Variants in ANKFN1 observed in about 807,000 individuals in gnomAD.
ANKFN1 encodes ankyrin repeat and fibronectin type-III domain-containing protein 1.
ANKFN1 carries 74 observed loss-of-function variants against 108.7 expected under a neutral mutation model. The ratio of observed to expected loss-of-function variants is 0.68; its 90% CI spans 0.56 to 0.83. ANKFN1 has a LOEUF of 0.83. ANKFN1 is among the 40% of genes least tolerant of loss of function. The pLI is 0.00. For missense variants in ANKFN1, 1,505 were observed against 1,382.3 expected, an observed-to-expected ratio of 1.09 and a Z score of -1.41; for synonymous variants, 547 against 516.2, an observed-to-expected ratio of 1.06 and a Z score of -0.81.
intron 3 of ANKFN1, among the ~76,000 whole-genome samples, chr17:56,275,730 AAG>A (rs1330882640): frequency 1.3e-5 from 2 of 152,312 alleles, no homozygotes; most frequent in Admixed American, 6.5e-5. Flanking sequence ...GAATATTTCT[AAG>A]AAATGGACTT....
Position 56,108,941 on chromosome 17 carries a change from A to C in ANKFN1, c.288+62616A>C, listed in dbSNP as rs1204864865. Among the ~76,000 whole-genome samples, 5 of 152,226 alleles carry C rather than the reference A, an allele frequency of 3.3e-5. No homozygotes were observed. The East Asian group carries it at 9.6e-4, about 29-fold the overall frequency. ...TTCCAAGTGGCTCTTGGTTAAGGCC[A>C]TTCTCCCCTGAGGTCTGTGAACAGG... On this transcript the variant is annotated intron_variant, in intron 4 of 12. Coordinates refer to the ANKFN1 transcript ENST00000635860.
chr17:56,295,317 G>A (rs1455861397), intron 3 of ANKFN1, among the ~76,000 whole-genome samples: 1 of 152,180 alleles, frequency 6.6e-6, no homozygotes, highest in East Asian at 1.9e-4. Context: ...TTAAAATATT[G>A]TGGCAGAGTC....
intron 14 of ANKFN1, among the ~76,000 whole-genome samples, chr17:56,458,690 G>GA (rs1255708833): frequency 6.0e-5 from 9 of 151,106 alleles, no homozygotes; most frequent in South Asian, 2.1e-4. Context: ...TCTTAGCACA[G>GA]AAAAAAAAAT....
chr17:56,094,413 A>G (rs2143201867), intron 4 of ANKFN1, among the ~76,000 whole-genome samples: 1 of 150,438 alleles, frequency 6.6e-6, no homozygotes, highest in Admixed American at 6.6e-5. Flanking sequence ...AGGAATGTAT[A>G]TATTGCATTA....
At chr17:56,054,583 T>TA (rs997060067) in intron 4 of ANKFN1, among the ~76,000 whole-genome samples, 9 of 152,184 alleles carry the variant, frequency 5.9e-5, no homozygotes, top group East Asian at 1.9e-4. Flanking sequence ...GCATTATGTC[T>TA]AAAAAAAATC....
chr17:56,286,521 G>C (rs2044221314), intron 3 of ANKFN1, among the ~76,000 whole-genome samples: 2 of 152,156 alleles, frequency 1.3e-5, no homozygotes, highest in African/African-American at 2.4e-5. Flanking sequence ...CTGGCTGTCA[G>C]CTGAGGGCCT....
intron 4 of ANKFN1, among the ~76,000 whole-genome samples, chr17:56,087,307 AACTCTTC>A (rs1476819407): frequency 6.6e-6 from 1 of 151,420 alleles, no homozygotes; most frequent in Non-Finnish European, 1.5e-5. Flanking sequence ...GCTACACAGT[AACTCTTC>A]ACTCTTAGAA....
chr17:56,440,199 A>G, intron 8 of ANKFN1, 128 bp from the exon 9 acceptor site: 1 of 461,698 alleles, frequency 2.2e-6, no homozygotes, highest in Non-Finnish European at 3.9e-6. Flanking sequence ...ACCAATATAA[A>G]GAAAGGAGGG....
In ANKFN1 at chr17:56,440,343, C is replaced by T. The variant is rs753825231; in HGVS notation, c.927C>T (p.Ser309=). Reference sequence around the variant, plus strand: ...TCCCTCCAGTGGAATGGAGTATGTCCGAAGACTTTTCTCCTTTGGCTGGAG... The same window carrying T: ...TCCCTCCAGTGGAATGGAGTATGTCTGAAGACTTTTCTCCTTTGGCTGGAG... ...VTRYKVEWSM[S]EDFSPLAGEI... The change falls in exon 9 of 21, where the codon TCC becomes TCT. Residue 309 remains serine (S), a synonymous_variant. Transcript: ENST00000682825. 2.4e-5 allele frequency: 39 copies of T among 1,611,584 alleles called. No individual in the cohort carries two copies. The Middle Eastern group carries it at 6.6e-4, about 27-fold the overall frequency.
intron 9 of ANKFN1, among the ~76,000 whole-genome samples, chr17:56,440,894 A>C (rs75605305): frequency 6.6e-6 from 1 of 151,982 alleles, no homozygotes; most frequent in Non-Finnish European, 1.5e-5. Context: ...AAAAAAAAAA[A>C]CGAAGTCTGT....
intron 4 of ANKFN1, among the ~76,000 whole-genome samples, chr17:56,129,791 A>G (rs1907169652): frequency 6.6e-6 from 1 of 152,204 alleles, no homozygotes; most frequent in Admixed American, 6.5e-5. Context: ...GACCAGCACA[A>G]TGTTGTATTG....
intron 3 of ANKFN1, among the ~76,000 whole-genome samples, chr17:56,246,479 C>T (rs1242585110): frequency 6.6e-6 from 1 of 152,154 alleles, no homozygotes; most frequent in Non-Finnish European, 1.5e-5. Flanking sequence ...TCAGGCTATG[C>T]GTGTTGGACC....
At chr17:56,144,237 A>G (rs2143408717) in intron 4 of ANKFN1, among the ~76,000 whole-genome samples, 1 of 151,138 alleles carries the variant, frequency 6.6e-6, no homozygotes, top group Admixed American at 6.6e-5. Context: ...AATTCTCTCT[A>G]CAGCAGGAGG....
In ANKFN1 at chr17:56,510,697, G is replaced by C. The variant is rs1368664345; in HGVS notation, c.2869G>C (p.Gly957Arg). The part of the protein sequence containing the change: ...TPLGPGQDPQ[G>R]EGPNPDHSCA... ...TCTGGGGCCGGGCCAGGATCCCCAG[G>C]GCGAGGGCCCAAATCCCGATCACTC... The change falls in exon 21 of 21, where the codon GGC becomes CGC. Residue 957 changes from glycine to arginine, a missense_variant. By Grantham distance (125) the Gly-to-Arg change is moderately radical. Coordinates refer to ENST00000682825, the MANE Select transcript of ANKFN1 (RefSeq NM_001370326.1). The C allele has an allele frequency of 1.3e-6, 2 of 1,536,004 alleles. No homozygotes were observed. The highest frequency in any genetic ancestry group is 3.9e-5 in the Admixed American group (2 of 50,984).
At chr17:56,411,906 A>T (rs963555765) in intron 8 of ANKFN1, among the ~76,000 whole-genome samples, 15 of 151,956 alleles carry the variant, frequency 9.9e-5, no homozygotes, top group Non-Finnish European at 8.8e-5. Flanking sequence ...TTTCTTGAGG[A>T]TTTTTGCATC....
intron 3 of ANKFN1, among the ~76,000 whole-genome samples, chr17:56,246,388 T>C (rs1403775490): frequency 6.6e-6 from 1 of 152,142 alleles, no homozygotes; most frequent in Non-Finnish European, 1.5e-5. Context: ...AATAATATGT[T>C]CAAAGATATC....
intron 3 of ANKFN1, among the ~76,000 whole-genome samples, chr17:56,307,404 A>G (rs1375699026): frequency 2.6e-5 from 4 of 152,220 alleles, no homozygotes; most frequent in Admixed American, 1.3e-4. Flanking sequence ...AACCCCATCA[A>G]AAAGTGGGCG....
At chr17:56,339,402 C>G (rs1397884940) in intron 4 of ANKFN1, among the ~76,000 whole-genome samples, 7 of 152,066 alleles carry the variant, frequency 4.6e-5, no homozygotes, top group Non-Finnish European at 1.0e-4. Flanking sequence ...ATTGTTTCAT[C>G]ACCCAGGTGT....
intron 4 of ANKFN1, among the ~76,000 whole-genome samples, chr17:56,347,320 A>T (rs2144651790): frequency 6.6e-6 from 1 of 152,168 alleles, no homozygotes; most frequent in African/African-American, 2.4e-5. Flanking sequence ...CTATTTATTG[A>T]GTGGATACTA....
Sources: gnomAD v4.1 joint callset for allele counts (sites outside exome capture counted in the v4.1 genomes callset) on GRCh38, gnomAD v4.1.1 for gene constraint, MANE v1.5 for transcripts, NCBI Gene and HGNC (gene_info 2026-07-23, HGNC 2026-07-21) for gene names.